Variants in SYN3 observed in about 807,000 individuals in gnomAD.
SYN3 encodes the protein synapsin III, also known as synapsin-3.
SYN3 carries 35 observed loss-of-function variants against 65.8 expected under a neutral mutation model. That is an observed-to-expected ratio of 0.53 (90% CI 0.41 to 0.70). SYN3 has a LOEUF of 0.70. Among genes scored for constraint, SYN3 ranks in the 30% least tolerant of loss-of-function variants. SYN3 has a pLI of 0.00. For synonymous variants in SYN3, 270 were observed against 292.9 expected, an observed-to-expected ratio of 0.92 and a Z score of 0.80; for missense variants, 680 against 749.0, an observed-to-expected ratio of 0.91 and a Z score of 1.08.
chr22:32,760,901 C>G (rs538803720), intron 6 of SYN3, among the ~76,000 whole-genome samples: 1 of 152,326 alleles, frequency 6.6e-6, no homozygotes, highest in South Asian at 2.1e-4. Flanking sequence ...CTTCACACTG[C>G]CCAGGCAGCT....
intron 6 of SYN3, among the ~76,000 whole-genome samples, chr22:32,623,727 G>A (rs1279580765): frequency 6.6e-6 from 1 of 152,202 alleles, no homozygotes; most frequent in Non-Finnish European, 1.5e-5. Context: ...ATACAGTGGT[G>A]AACAAAACTC....
intron 6 of SYN3, among the ~76,000 whole-genome samples, chr22:32,684,860 C>A (rs1395404127): frequency 6.6e-6 from 1 of 152,280 alleles, no homozygotes; most frequent in African/African-American, 2.4e-5. Flanking sequence ...TTCTCTGAGC[C>A]CCAATTTCTC....
intron 6 of SYN3, among the ~76,000 whole-genome samples, chr22:32,710,711 T>C (rs913155877): frequency 6.6e-6 from 1 of 151,710 alleles, no homozygotes; most frequent in Non-Finnish European, 1.5e-5. Flanking sequence ...GCTCTGGCCA[T>C]GTGAGACATC....
At chr22:32,883,318 T>C (rs996701707) in intron 4 of SYN3, among the ~76,000 whole-genome samples, 1 of 152,194 alleles carries the variant, frequency 6.6e-6, no homozygotes, top group Non-Finnish European at 1.5e-5. Flanking sequence ...ACTGGGAACC[T>C]CTTAAGACAG....
chr22:32,951,778 G>A (rs2051297627), intron 3 of SYN3, among the ~76,000 whole-genome samples: 1 of 152,214 alleles, frequency 6.6e-6, no homozygotes, highest in African/African-American at 2.4e-5. Flanking sequence ...CCGTTGGAGT[G>A]TGCAGAGTTG....
At chr22:32,726,437 G>A (rs972765278) in intron 6 of SYN3, among the ~76,000 whole-genome samples, 1 of 152,126 alleles carries the variant, frequency 6.6e-6, no homozygotes, top group East Asian at 1.9e-4. Flanking sequence ...CACCACACTC[G>A]GCCCCAGTAT....
chr22:32,834,888 A>G (rs919604431), intron 6 of SYN3, among the ~76,000 whole-genome samples: 3 of 152,200 alleles, frequency 2.0e-5, no homozygotes, highest in Non-Finnish European at 2.9e-5. Context: ...CCTCCATTCA[A>G]GCTTATATCT....
chr22:32,788,366 C>A lies in SYN3; in HGVS notation c.711+76549G>T, dbSNP rs531561101. On this transcript the variant is annotated intron_variant, in intron 6 of 13. Transcript: ENST00000358763. ...ACCAGACTGGCCAACATGATGAAAC[C>A]CCATCTCTACTAAAAATACAAAAAA... Among the ~76,000 whole-genome samples, 5 of 152,036 alleles carry A rather than the reference C, an allele frequency of 3.3e-5. No homozygotes were observed. In the East Asian group the frequency reaches 9.7e-4, roughly 29 times the overall value.
intron 6 of SYN3, among the ~76,000 whole-genome samples, chr22:32,658,005 C>T (rs1208092608): frequency 1.3e-5 from 2 of 152,202 alleles, no homozygotes; most frequent in East Asian, 1.9e-4. Flanking sequence ...AAGTGCCTCA[C>T]ACAGTGCTTG....
chr22:32,703,883 T>G (rs1243692840), intron 6 of SYN3, among the ~76,000 whole-genome samples: 1 of 152,210 alleles, frequency 6.6e-6, no homozygotes, highest in Non-Finnish European at 1.5e-5. Context: ...TAAAAATCAT[T>G]GAAATATTTT....
chr22:32,912,646 A>C (rs912308719), intron 4 of SYN3, among the ~76,000 whole-genome samples: 1 of 152,090 alleles, frequency 6.6e-6, no homozygotes, highest in African/African-American at 2.4e-5. Context: ...ACTTTAGCTC[A>C]GGAGATTGAG....
chr22:32,994,995 G>A (rs758969866), intron 2 of SYN3, among the ~76,000 whole-genome samples: 74 of 152,168 alleles, frequency 4.9e-4, no homozygotes, highest in Non-Finnish European at 9.6e-4. Flanking sequence ...TCCTGCTGAG[G>A]AATGTGAGGT....
At chr22:32,714,823 T>C (rs1041788399) in intron 6 of SYN3, among the ~76,000 whole-genome samples, 3 of 152,228 alleles carry the variant, frequency 2.0e-5, no homozygotes, top group Non-Finnish European at 2.9e-5. Flanking sequence ...GCACTATTTG[T>C]ACCTCTTCTA....
intron 6 of SYN3, among the ~76,000 whole-genome samples, chr22:32,759,933 C>A (rs1419647660): frequency 1.2e-5 from 1 of 84,710 alleles, no homozygotes; most frequent in Non-Finnish European, 2.4e-5. Flanking sequence ...CACGCACCCG[C>A]AGCCAGCACC....
chr22:33,002,646 AAAAAC>A (rs1306015229), intron 2 of SYN3, among the ~76,000 whole-genome samples: 5 of 151,832 alleles, frequency 3.3e-5, no homozygotes, highest in African/African-American at 1.2e-4. Context: ...TCCATCTCAA[AAAAAC>A]AAAACAAAAC....
At chr22:33,030,904 G>A (rs924208752) in intron 1 of SYN3, among the ~76,000 whole-genome samples, 1 of 152,150 alleles carries the variant, frequency 6.6e-6, no homozygotes, top group Non-Finnish European at 1.5e-5. Flanking sequence ...GAGACAGAGA[G>A]TGATAGAGAC....
chr22:32,825,302 C>T (rs2047368929), intron 6 of SYN3, among the ~76,000 whole-genome samples: 1 of 152,206 alleles, frequency 6.6e-6, no homozygotes, highest in East Asian at 1.9e-4. Flanking sequence ...ACTAAAATGG[C>T]AGGTTTAGAA....
intron 10 of SYN3, 192 bp from the exon 11 acceptor site, chr22:32,529,200 C>T: frequency 1.6e-6 from 1 of 614,950 alleles, no homozygotes; most frequent in Non-Finnish European, 2.8e-6. Context: ...GTCTAAACCA[C>T]TCCCTGGAGG....
intron 6 of SYN3, among the ~76,000 whole-genome samples, chr22:32,610,205 C>T (rs540021710): frequency 2.6e-5 from 4 of 152,096 alleles, no homozygotes; most frequent in South Asian, 4.2e-4. Flanking sequence ...CGCTTGAACC[C>T]GGGAGGCAGA....
Sources: gnomAD v4.1 joint callset for allele counts (sites outside exome capture counted in the v4.1 genomes callset) on GRCh38, gnomAD v4.1.1 for gene constraint, MANE v1.5 for transcripts, NCBI Gene and HGNC (gene_info 2026-07-23, HGNC 2026-07-21) for gene names.